Variants in MARCHF6 observed in about 807,000 individuals in gnomAD.
The protein encoded by MARCHF6 is E3 ubiquitin-protein ligase MARCHF6.
In MARCHF6, 31 loss-of-function variants were observed where a neutral mutation model predicts 133.7. The ratio of observed to expected loss-of-function variants is 0.23; its 90% CI spans 0.17 to 0.31. The LOEUF (loss-of-function observed/expected upper bound fraction) is 0.31, where lower values mean the gene tolerates loss of function less well. MARCHF6 is among the 10% of genes least tolerant of loss of function. The pLI is 1.00. For synonymous variants in MARCHF6, 395 were observed against 402.5 expected, an observed-to-expected ratio of 0.98 and a Z score of 0.22; for missense variants, 723 against 1,121.6, an observed-to-expected ratio of 0.64 and a Z score of 5.08.
intron 19 of MARCHF6, among the ~76,000 whole-genome samples, chr5:10,413,766 C>T (rs1739355074): frequency 2.6e-5 from 4 of 152,136 alleles, no homozygotes; most frequent in Admixed American, 1.3e-4. Context: ...ACTTAATTCA[C>T]TACCAGGAGA....
intron 1 of MARCHF6, among the ~76,000 whole-genome samples, chr5:10,375,289 C>T (rs537396525): frequency 2.0e-5 from 3 of 152,354 alleles, no homozygotes; most frequent in Admixed American, 2.0e-4. Context: ...CAGTGAGAGA[C>T]TTGGCACCCG....
chr5:10,404,071 A>AC (rs1317791635), intron 15 of MARCHF6, among the ~76,000 whole-genome samples: 115 of 142,958 alleles, frequency 8.0e-4, no homozygotes, highest in South Asian at 4.7e-3. Flanking sequence ...TTATTTATTT[A>AC]TTTATTTACT....
intron 10 of MARCHF6, among the ~76,000 whole-genome samples, 175 bp from the exon 11 acceptor site, chr5:10,400,609 T>C (rs905366277): frequency 2.6e-5 from 4 of 152,164 alleles, no homozygotes; most frequent in African/African-American, 9.7e-5. Context: ...TATTAGACCT[T>C]AATAGCTTTG....
intron 1 of MARCHF6, among the ~76,000 whole-genome samples, chr5:10,359,016 G>A (rs953160180): frequency 3.9e-5 from 6 of 152,180 alleles, no homozygotes; most frequent in African/African-American, 1.2e-4. Context: ...GCCACCTTCC[G>A]TTGCTGTTGT....
At chr5:10,361,301 A>G (rs555603884) in intron 1 of MARCHF6, among the ~76,000 whole-genome samples, 1 of 152,338 alleles carries the variant, frequency 6.6e-6, no homozygotes, top group East Asian at 1.9e-4. Context: ...TTTAGTTTGC[A>G]GGGGCTGCTG....
Position 10,392,247 on chromosome 5 carries a change from C to T in MARCHF6, c.766+516C>T, listed in dbSNP as rs191797746. Among the ~76,000 whole-genome samples the T allele has an allele frequency of 3.3e-5, 5 of 152,094 alleles. No individual in the cohort carries two copies. The East Asian group carries it at 5.9e-4, about 18-fold the overall frequency. ...CTGGGATTACAGGCGTGAGCCACTG[C>T]GCCCGGCCTACACAGGACTTTTTTA... On this transcript the variant is annotated intron_variant, in intron 7 of 25. Coordinates refer to ENST00000274140, the MANE Select transcript of MARCHF6 (RefSeq NM_005885.4).
At chr5:10,421,709 G>A (rs1238482489) in intron 22 of MARCHF6, among the ~76,000 whole-genome samples, 1 of 152,210 alleles carries the variant, frequency 6.6e-6, no homozygotes, top group African/African-American at 2.4e-5. Flanking sequence ...TGGACTCCCA[G>A]AAGGCCAAGA....
At chr5:10,409,112 C>T (rs980251546) in intron 17 of MARCHF6, among the ~76,000 whole-genome samples, 1 of 152,114 alleles carries the variant, frequency 6.6e-6, no homozygotes, top group African/African-American at 2.4e-5. Flanking sequence ...TGAGCCACTG[C>T]GCCCAGCCTC....
At chr5:10,411,312 A>T in intron 18 of MARCHF6, 21 bp from the exon 19 acceptor site, 1 of 1,596,438 alleles carries the variant, frequency 6.3e-7, no homozygotes. Flanking sequence ...GAGACTTGTT[A>T]CTGATGTAAT....
chr5:10,354,178 T>C (rs1390696424), intron 1 of MARCHF6, among the ~76,000 whole-genome samples: 2 of 151,980 alleles, frequency 1.3e-5, no homozygotes, highest in Non-Finnish European at 2.9e-5. Flanking sequence ...TCGGGGCTAC[T>C]GCAGGCCGGC....
intron 7 of MARCHF6, among the ~76,000 whole-genome samples, chr5:10,391,935 G>T (rs1737874647): frequency 6.7e-6 from 1 of 148,316 alleles, no homozygotes; most frequent in Non-Finnish European, 1.5e-5. Context: ...CATGTTTTGT[G>T]TTTTAAAATC....
rs200779158 is a variant in MARCHF6 at position 10,416,673 on chromosome 5, A to AT, written c.2149-587dup. Among the ~76,000 whole-genome samples, 247 of 148,612 alleles carry AT rather than the reference A, an allele frequency of 1.7e-3. 5 individuals are homozygous for AT. In the East Asian group the frequency reaches 0.032, roughly 19 times the overall value. On this transcript the variant is annotated intron_variant, in intron 21 of 25. Transcript: ENST00000274140. ...TGAGGATCCAAGGCCACTTTAAATC[A>AT]TTTTTTTTTTGGTCAGAATTTCATC...
chr5:10,408,379 T>C (rs540455417), intron 17 of MARCHF6, among the ~76,000 whole-genome samples: 2 of 152,344 alleles, frequency 1.3e-5, no homozygotes, highest in South Asian at 4.1e-4. Context: ...GTCTCAGCAT[T>C]GACTGACTTC....
At chr5:10,387,549 C>T (rs189548643) in intron 5 of MARCHF6, among the ~76,000 whole-genome samples, 239 of 152,236 alleles carry the variant, frequency 1.6e-3, no homozygotes, top group African/African-American at 5.4e-3. Flanking sequence ...GTGATCCACC[C>T]GCTTCGGGCT....
Position 10,392,732 on chromosome 5 carries a change from T to C in MARCHF6, c.766+1001T>C, listed in dbSNP as rs558520965. ...TCATGCCACTGCACTCCAGCCTGGG[T>C]GACACAGCAAGATTCCGTCTCAAGA... On this transcript the variant is annotated intron_variant, in intron 7 of 25. Coordinates refer to ENST00000274140, the MANE Select transcript of MARCHF6 (RefSeq NM_005885.4). 2.7e-5 allele frequency among the ~76,000 whole-genome samples: 4 copies of C among 150,772 alleles called. No homozygotes were observed. The South Asian group carries it at 8.4e-4, about 32-fold the overall frequency.
chr5:10,404,031 CTTTA>C (rs36021721), intron 15 of MARCHF6, among the ~76,000 whole-genome samples: 38,456 of 143,122 alleles, frequency 0.27, 6,722 homozygotes, highest in East Asian at 0.57. Context: ...GATGGATTAC[CTTTA>C]TTTATTTATT....
chr5:10,422,235 GAGAA>G (rs1561148173), intron 22 of MARCHF6, among the ~76,000 whole-genome samples: 1 of 152,178 alleles, frequency 6.6e-6, no homozygotes, highest in East Asian at 1.9e-4. Context: ...AGAGGAAATT[GAGAA>G]AGAGAAATGT....
At chr5:10,379,136 A>T (rs1398924521) in intron 3 of MARCHF6, among the ~76,000 whole-genome samples, 2 of 152,150 alleles carry the variant, frequency 1.3e-5, no homozygotes, top group African/African-American at 4.8e-5. Context: ...AAATCTAACA[A>T]GTCCACATGA....
At position 10,433,611 on chromosome 5, in the gene MARCHF6, G is replaced by T; in HGVS notation, c.2660G>T (p.Arg887Leu). 1 of 1,614,114 alleles carries T rather than the reference G, an allele frequency of 6.2e-7. No individual in the cohort carries two copies. The highest frequency in any genetic ancestry group is 1.1e-5 in the South Asian group (1 of 91,060). The change falls in exon 26 of 26, where the codon CGA becomes CTA. Residue 887 changes from arginine (R) to leucine (L), a missense_variant. Arg to Leu is a moderately radical substitution (Grantham distance 102). This residue lies in a region of MARCHF6 where 492 missense variants were observed against 699.5 expected (regional missense o/e 0.70). Transcript: ENST00000274140. The stretch of plus-strand genomic sequence containing the variant: ...CAACCTAGGTACCTTGTGGGTCAAC[G>T]ACTCGTGAACTACGAACGGAAATCT... ...IKNDKYLVGQ[R>L]LVNYERKSGK...
Sources: allele counts gnomAD v4.1 joint callset (sites outside exome capture counted in the v4.1 genomes callset), GRCh38; gene constraint gnomAD v4.1.1; regional missense constraint gnomAD v4.1.1; transcripts MANE v1.5; gene names NCBI Gene and HGNC (gene_info 2026-07-23, HGNC 2026-07-21).